The following CCDC146 variants were observed in gnomAD, a reference collection of about 807,000 sequenced individuals.
CCDC146 encodes coiled-coil domain containing 146.
Under a neutral mutation model 119.3 loss-of-function variants are expected in CCDC146, and 92 were observed. The observed-to-expected ratio is 0.77, with a 90% CI of 0.65 to 0.92. The LOEUF is 0.92. Among genes scored for constraint, CCDC146 ranks in the 40% least tolerant of loss-of-function variants. The pLI is 0.00. For missense variants in CCDC146, 1,000 were observed against 1,103.0 expected (o/e 0.91, Z 1.32); for synonymous variants, 372 against 371.8 (o/e 1.00, Z -0.01).
intron 4 of CCDC146, among the ~76,000 whole-genome samples, chr7:77,248,590 A>G (rs1792998515): frequency 6.6e-6 from 1 of 152,224 alleles, no homozygotes; most frequent in Non-Finnish European, 1.5e-5. Flanking sequence ...ATCTTTCCAT[A>G]TCGGGAAATC....
chr7:77,232,916 G>C (rs1380217395), intron 2 of CCDC146, among the ~76,000 whole-genome samples: 7 of 152,196 alleles, frequency 4.6e-5, no homozygotes, highest in Admixed American at 3.3e-4. Flanking sequence ...TGAAGCTAGA[G>C]GGATGGATGC....
At chr7:77,270,095 A>G (rs1793482110) in intron 9 of CCDC146, among the ~76,000 whole-genome samples, 1 of 152,240 alleles carries the variant, frequency 6.6e-6, no homozygotes, top group African/African-American at 2.4e-5. Context: ...TACAAGCCTC[A>G]TGAAAGGTTG....
At chr7:77,168,834 CCT>C (rs566372669) in intron 2 of CCDC146, among the ~76,000 whole-genome samples, 1 of 152,102 alleles carries the variant, frequency 6.6e-6, no homozygotes, top group South Asian at 2.1e-4. Flanking sequence ...GTTCTCTCAA[CCT>C]CTCTCTTTCT....
intron 1 of CCDC146, among the ~76,000 whole-genome samples, chr7:77,141,772 T>C (rs556197158): frequency 3.9e-5 from 6 of 152,226 alleles, no homozygotes; most frequent in Non-Finnish European, 5.9e-5. Context: ...GTTGTTTTTT[T>C]CTTGTAAATT....
At chr7:77,158,727 C>T (rs1457873458) in intron 1 of CCDC146, among the ~76,000 whole-genome samples, 1 of 152,068 alleles carries the variant, frequency 6.6e-6, no homozygotes, top group Admixed American at 6.6e-5. Flanking sequence ...ACCATGTTGG[C>T]CAGGCTGGTC....
chr7:77,197,307 A>ATGC (rs1791892811), intron 2 of CCDC146, among the ~76,000 whole-genome samples: 1 of 152,266 alleles, frequency 6.6e-6, no homozygotes, highest in Non-Finnish European at 1.5e-5. Flanking sequence ...CGTTCTAGGC[A>ATGC]TGCTGCCAGA....
Position 77,124,642 on chromosome 7 carries a change from T to C in CCDC146, c.-12+1910T>C, listed in dbSNP as rs191344683. Among the ~76,000 whole-genome samples, 1,275 of 152,308 alleles carry C rather than the reference T, an allele frequency of 8.4e-3. 15 individuals carry two copies. Among genetic ancestry groups the C allele is most frequent in the African/African-American group, 0.029 (1,198 of 41,552 alleles). ...AGTAGAAAATTATATACAACTTTTT[T>C]CTCCTTATTTAGAGTTTGTTTCTAA... On this transcript the variant is annotated intron_variant, in intron 1 of 18. Transcript: ENST00000285871.
chr7:77,204,721 T>G (rs1792052670), intron 2 of CCDC146, among the ~76,000 whole-genome samples: 1 of 152,224 alleles, frequency 6.6e-6, no homozygotes, highest in African/African-American at 2.4e-5. Context: ...AAATCAATTC[T>G]TATGTACTCC....
rs764150001 is a variant in CCDC146 at position 77,294,736 on chromosome 7, A to C, written c.2738A>C (p.Tyr913Ser). ...ACTGCAGAGCAGCGTCCGAATGCCTACATCCCAGAAGCAGATGCCACTCTT... is the reference window on the plus strand; with the variant it reads ...ACTGCAGAGCAGCGTCCGAATGCCTCCATCCCAGAAGCAGATGCCACTCTT... ...YTTAEQRPNAYIPEADATLPL... is the reference protein window; with the variant it reads ...YTTAEQRPNASIPEADATLPL... Residue 913 changes from tyrosine to serine, a missense_variant, in exon 19 of 19, where the codon TAC becomes TCC. Physicochemically the swap from Tyr to Ser is moderately radical, Grantham distance 144. Coordinates refer to ENST00000285871, the MANE Select transcript of CCDC146 (RefSeq NM_020879.3). 2.5e-6 allele frequency: 4 copies of C among 1,614,078 alleles called. No individual in the cohort carries two copies. The African/African-American group carries it at 5.3e-5, about 22-fold the overall frequency.
rs1341034146 is a variant in CCDC146 at position 77,241,741 on chromosome 7, A to G, written c.290A>G (p.Glu97Gly). ...QLLQNAKRFTEQIQQQQFHLQ... is the reference protein window; with the variant it reads ...QLLQNAKRFTGQIQQQQFHLQ... ...CTACAGAATGCCAAACGTTTCACTG[A>G]GCAAATACAACAGCAGCAGTTTCAC... is the stretch of plus-strand genomic sequence containing the variant. Residue 97 changes from glutamate to glycine, a missense_variant, in exon 4 of 19, where the codon GAG becomes GGG. Physicochemically the swap from Glu to Gly is moderately conservative, Grantham distance 98 (BLOSUM62 -2). This residue lies in a region of CCDC146 where 985 missense variants were observed against 1,045.3 expected (regional missense o/e 0.94). Coordinates refer to ENST00000285871, the MANE Select transcript of CCDC146 (RefSeq NM_020879.3). The G allele has an allele frequency of 6.2e-7, 1 of 1,614,022 alleles. No homozygotes were observed. Among genetic ancestry groups the G allele is most frequent in the Admixed American group, 1.7e-5 (1 of 60,014 alleles).
In CCDC146 at chr7:77,196,965, CTT is replaced by C; in HGVS notation, c.156+29143_156+29144del. 1 of 1,605,444 alleles carries C rather than the reference CTT, an allele frequency of 6.2e-7. No homozygotes were observed. Among genetic ancestry groups the C allele is most frequent in the Non-Finnish European group, 8.5e-7 (1 of 1,175,280 alleles). ...CCTATTGCGTAGTAGTCAGAGCAAT[CTT>C]TATATATTAGATGTTGAACTGAAGG... On this transcript the variant is annotated intron_variant, in intron 2 of 18. Coordinates refer to ENST00000285871, the MANE Select transcript of CCDC146 (RefSeq NM_020879.3). This position sits in a 1 kb window ranked among gnomAD's most constrained non-coding sequence, Gnocchi z 4.2.
At chr7:77,279,247 G>A in intron 13 of CCDC146, 146 bp downstream of exon 13, 1 of 567,894 alleles carries the variant, frequency 1.8e-6, no homozygotes, top group Non-Finnish European at 3.0e-6. Context: ...CTGGGTGACA[G>A]AATGAGACCC....
At chr7:77,255,906 G>A (rs1175309517) in intron 5 of CCDC146, among the ~76,000 whole-genome samples, 2 of 152,182 alleles carry the variant, frequency 1.3e-5, no homozygotes, top group South Asian at 2.1e-4. Context: ...TAGTTCCCAT[G>A]TGACTCAGGT....
In CCDC146 at chr7:77,237,037, A is replaced by G. The variant is rs1310036074; in HGVS notation, c.239+8A>G. ...GCATGACGCCGTGATGAGGTATGCA[A>G]TTTACCAATATGGAGACATGATTAA... On this transcript the variant is annotated splice_region_variant and intron_variant, in intron 3 of 18. Transcript: ENST00000285871. 3.1e-6 allele frequency: 5 copies of G among 1,606,218 alleles called. No individual in the cohort carries two copies. Among genetic ancestry groups the G allele is most frequent in the Admixed American group, 1.7e-5 (1 of 59,994 alleles).
chr7:77,198,119 C>T (rs1254291510), intron 2 of CCDC146: 2 of 985,236 alleles, frequency 2.0e-6, no homozygotes, highest in African/African-American at 3.5e-5. Flanking sequence ...CCACTGATGT[C>T]ACCTAAGCGG....
chr7:77,146,420 A>C (rs141438534), intron 1 of CCDC146, among the ~76,000 whole-genome samples: 1 of 152,090 alleles, frequency 6.6e-6, no homozygotes, highest in East Asian at 1.9e-4. Flanking sequence ...AACAAGCTTA[A>C]TATTGTTATG....
intron 2 of CCDC146, among the ~76,000 whole-genome samples, chr7:77,180,135 G>A (rs974069113): frequency 1.9e-4 from 27 of 141,262 alleles, no homozygotes; most frequent in African/African-American, 7.4e-4. Context: ...GCACCCATAT[G>A]TATGTACCAT....
At chr7:77,217,470 A>G (rs1460504544) in intron 2 of CCDC146, among the ~76,000 whole-genome samples, 1 of 152,102 alleles carries the variant, frequency 6.6e-6, no homozygotes, top group Non-Finnish European at 1.5e-5. Flanking sequence ...ATGTGAAAAT[A>G]TATACATATA....
At chr7:77,183,926 T>C (rs1198453811) in intron 2 of CCDC146, among the ~76,000 whole-genome samples, 3 of 152,208 alleles carry the variant, frequency 2.0e-5, no homozygotes, top group Non-Finnish European at 4.4e-5. Context: ...CTCGCTAAAA[T>C]AATCACATTA....
Sources: allele counts gnomAD v4.1 joint callset (sites outside exome capture counted in the v4.1 genomes callset), GRCh38; gene constraint gnomAD v4.1.1; regional missense constraint gnomAD v4.1.1; non-coding constraint Gnocchi (gnomAD v3.1); transcripts MANE v1.5; gene names NCBI Gene and HGNC (gene_info 2026-07-23, HGNC 2026-07-21).